Variants in SGK3 observed in about 807,000 individuals in gnomAD.
SGK3 encodes the protein serine/threonine-protein kinase Sgk3.
SGK3 carries 47 observed loss-of-function variants against 68.5 expected under a neutral mutation model. The observed-to-expected ratio is 0.69, with a 90% CI of 0.54 to 0.87. The LOEUF (loss-of-function observed/expected upper bound fraction) is 0.87, where lower values mean the gene tolerates loss of function less well. SGK3 is among the 40% of genes least tolerant of loss of function. The probability of loss-of-function intolerance (pLI) is 0.00; values close to 1 mark genes in which losing one functional copy is unlikely to be tolerated. For synonymous variants in SGK3, 181 were observed against 189.1 expected, an observed-to-expected ratio of 0.96 and a Z score of 0.35; for missense variants, 479 against 575.5, an observed-to-expected ratio of 0.83 and a Z score of 1.72.
intron 14 of SGK3, among the ~76,000 whole-genome samples, chr8:66,844,618 C>G (rs778597831): frequency 3.9e-5 from 6 of 152,146 alleles, no homozygotes; most frequent in Non-Finnish European, 8.8e-5. Context: ...TTTGTGGTCC[C>G]CTAAGTGTCC....
intron 1 of SGK3, among the ~76,000 whole-genome samples, chr8:66,769,334 A>G (rs1349258921): frequency 6.6e-6 from 1 of 151,944 alleles, no homozygotes; most frequent in African/African-American, 2.4e-5. Context: ...GGTGATTCTC[A>G]TGCCTCAGAC....
intron 5 of SGK3, among the ~76,000 whole-genome samples, chr8:66,821,246 A>G (rs1034339110): frequency 6.6e-6 from 1 of 151,578 alleles, no homozygotes; most frequent in African/African-American, 2.4e-5. Flanking sequence ...ACCCACTTTA[A>G]TGTGTTTGAT....
At chr8:66,850,078 C>G (rs1012756509) in intron 15 of SGK3, among the ~76,000 whole-genome samples, 2 of 152,084 alleles carry the variant, frequency 1.3e-5, no homozygotes, top group Non-Finnish European at 2.9e-5. Context: ...TGTGACAGTC[C>G]CATCCCTCCC....
At chr8:66,818,509 T>A (rs1585763272) in intron 5 of SGK3, among the ~76,000 whole-genome samples, 1 of 152,294 alleles carries the variant, frequency 6.6e-6, no homozygotes, top group East Asian at 1.9e-4. Flanking sequence ...TATCATCCCC[T>A]TAGGCCAAAA....
intron 16 of SGK3, among the ~76,000 whole-genome samples, chr8:66,859,002 G>A (rs1810646374): frequency 6.6e-6 from 1 of 152,040 alleles, no homozygotes; most frequent in African/African-American, 2.4e-5. Flanking sequence ...AACCTTGCCA[G>A]GAATAAACAC....
chr8:66,837,158 G>A (rs1037423759), intron 10 of SGK3, among the ~76,000 whole-genome samples: 1 of 152,102 alleles, frequency 6.6e-6, no homozygotes, highest in Non-Finnish European at 1.5e-5. Context: ...AGTATCAGAG[G>A]CAGGGATTGA....
chr8:66,741,820 G>A (rs1160084107), intron 1 of SGK3, among the ~76,000 whole-genome samples: 6 of 152,216 alleles, frequency 3.9e-5, no homozygotes, highest in Non-Finnish European at 8.8e-5. Flanking sequence ...AGTACCAGTA[G>A]ATGGGGCTTT....
At chr8:66,788,182 G>A (rs1300837492) in intron 1 of SGK3, among the ~76,000 whole-genome samples, 1 of 152,196 alleles carries the variant, frequency 6.6e-6, no homozygotes. Context: ...AGTCTGGGCT[G>A]TTAATCCCTG....
Position 66,859,538 on chromosome 8 carries a change from T to C in SGK3, c.1448T>C (p.Val483Ala). Residue 483 changes from valine to alanine, a missense_variant, in exon 17 of 17, where the codon GTT becomes GCT. Val to Ala is a moderately conservative substitution (Grantham distance 64). Transcript: ENST00000521198. ...GTATTGGAGGCAGATGATGCATTCG[T>C]TGGTTTCTCTTATGCACCTCCTTCA... Reference protein sequence around the residue: ...ASVLEADDAFVGFSYAPPSED... With the variant: ...ASVLEADDAFAGFSYAPPSED... The C allele has an allele frequency of 6.2e-7, 1 of 1,613,476 alleles. No individual in the cohort carries two copies. Among genetic ancestry groups the C allele is most frequent in the Non-Finnish European group, 8.5e-7 (1 of 1,179,578 alleles).
intron 1 of SGK3, among the ~76,000 whole-genome samples, chr8:66,736,696 C>T (rs1305214582): frequency 6.6e-6 from 1 of 151,758 alleles, no homozygotes; most frequent in African/African-American, 2.4e-5. Context: ...CTCAGCTCAC[C>T]ACAACCTCTG....
chr8:66,744,526 T>TGTTTTG lies in SGK3; in HGVS notation c.-122+31693_-122+31694insGTTTTG, dbSNP rs1554593811. On this transcript the variant is annotated intron_variant, in intron 1 of 16. Coordinates refer to ENST00000521198, the MANE Select transcript of SGK3 (RefSeq NM_001033578.3). ...ATATATATATATATATATATTTTTT[T>TGTTTTG]TTTTTTTTTTTTTTTTTTTAGATGG... 1.7e-3 allele frequency among the ~76,000 whole-genome samples: 173 copies of TGTTTTG among 100,002 alleles called. 4 individuals carry two copies. Among genetic ancestry groups the TGTTTTG allele is most frequent in the African/African-American group, 7.2e-3 (167 of 23,056 alleles). 65.6% of individuals were successfully genotyped at this position (100,002 alleles called of 152,430 possible).
intron 1 of SGK3, among the ~76,000 whole-genome samples, chr8:66,764,862 T>G (rs1806272616): frequency 6.6e-6 from 1 of 152,232 alleles, no homozygotes; most frequent in African/African-American, 2.4e-5. Context: ...TTTTCAAGGT[T>G]CATTCATTTT....
intron 1 of SGK3, among the ~76,000 whole-genome samples, chr8:66,778,787 A>G (rs1806831415): frequency 1.3e-5 from 2 of 152,230 alleles, no homozygotes; most frequent in Admixed American, 6.5e-5. Context: ...GAGTGGGTGT[A>G]GGGAGAGCAG....
At position 66,744,503 on chromosome 8, in the gene SGK3, A is replaced by T. The variant is rs1407566399; in HGVS notation, c.-122+31670A>T. ...TGTGTGTATATATATATATATATAT[A>T]TATATATATATATATATTTTTTTTT... On this transcript the variant is annotated intron_variant, in intron 1 of 16. Coordinates refer to ENST00000521198, the MANE Select transcript of SGK3 (RefSeq NM_001033578.3). Among the ~76,000 whole-genome samples, 54 of 21,442 alleles carry T rather than the reference A, an allele frequency of 2.5e-3. 2 individuals are homozygous for T. The highest frequency in any genetic ancestry group is 0.013 in the African/African-American group (49 of 3,884). 14.1% of individuals were successfully genotyped at this position (21,442 alleles called of 152,430 possible). A position where few individuals can be genotyped will look rare whatever the true frequency, so the allele number is the denominator to read the frequency against.
At chr8:66,808,048 G>A (rs1052729852) in intron 4 of SGK3, among the ~76,000 whole-genome samples, 2 of 152,060 alleles carry the variant, frequency 1.3e-5, no homozygotes, top group Non-Finnish European at 2.9e-5. Flanking sequence ...AAAAGGTATG[G>A]GGATTCAAAA....
At chr8:66,722,336 G>A (rs552625657) in intron 1 of SGK3, among the ~76,000 whole-genome samples, 54 of 152,202 alleles carry the variant, frequency 3.5e-4, no homozygotes, top group Admixed American at 6.5e-5. Context: ...AGGCTGGAGT[G>A]CAGCGGCGCG....
Position 66,754,407 on chromosome 8 carries a change from A to G in SGK3, c.-121-39209A>G, listed in dbSNP as rs138608476. Among the ~76,000 whole-genome samples the G allele has an allele frequency of 7.1e-3, 1,075 of 152,304 alleles. 10 individuals are homozygous for G. Among genetic ancestry groups the G allele is most frequent in the South Asian group, 0.028 (135 of 4,828 alleles). On this transcript the variant is annotated intron_variant, in intron 1 of 16. Coordinates refer to ENST00000521198, the MANE Select transcript of SGK3 (RefSeq NM_001033578.3). ...CTCTACCCGCTTAATTCAGTACTGCAGTGGGATTAAAAGTCAGTGAGGCTT... is the reference window on the plus strand; with the variant it reads ...CTCTACCCGCTTAATTCAGTACTGCGGTGGGATTAAAAGTCAGTGAGGCTT...
At chr8:66,774,249 T>G (rs116553813) in intron 1 of SGK3, among the ~76,000 whole-genome samples, 5,844 of 152,268 alleles carry the variant, frequency 0.038, 123 homozygotes, top group African/African-American at 0.054. Flanking sequence ...TTTTCTGAAA[T>G]TTTTGTAATA....
intron 16 of SGK3, among the ~76,000 whole-genome samples, chr8:66,856,424 T>C (rs1316607091): frequency 6.6e-6 from 1 of 152,298 alleles, no homozygotes; most frequent in South Asian, 2.1e-4. Context: ...TCTGAAATGT[T>C]TGGGACCAGA....
Sources: gnomAD v4.1 joint callset for allele counts (sites outside exome capture counted in the v4.1 genomes callset) on GRCh38, gnomAD v4.1.1 for gene constraint, MANE v1.5 for transcripts, NCBI Gene and HGNC (gene_info 2026-07-23, HGNC 2026-07-21) for gene names.